Variants in NDOR1 observed in about 807,000 individuals in gnomAD.
NDOR1 encodes NADPH dependent diflavin oxidoreductase 1.
Under a neutral mutation model 67.2 loss-of-function variants are expected in NDOR1, and 61 were observed. The ratio of observed to expected loss-of-function variants is 0.91; its 90% CI spans 0.74 to 1.12. NDOR1 has a LOEUF of 1.12. NDOR1 is among the 50% of genes most tolerant of loss of function. NDOR1 has a pLI of 0.00. For missense variants in NDOR1, 878 were observed against 802.8 expected, an observed-to-expected ratio of 1.09 and a Z score of -1.13; for synonymous variants, 378 against 343.7, an observed-to-expected ratio of 1.10 and a Z score of -1.10.
chr9:137,212,599 A>C lies in NDOR1; in HGVS notation c.311A>C (p.Lys104Thr). 6.2e-7 allele frequency: 1 copy of C among 1,612,376 alleles called. No homozygotes were observed. The highest frequency in any genetic ancestry group is 8.5e-7 in the Non-Finnish European group (1 of 1,178,506). ...GGCCTCGGGGACTCCTCATACGCCA[A>C]GTGAGTAGGGGATGGGACAGTGGGC... ...VLGLGDSSYA[K>T]FNFVAKKLHR... Residue 104 changes from lysine (K) to threonine (T), a missense_variant and splice_region_variant, in exon 3 of 14, where the codon AAG (lysine) becomes ACG (threonine). Coordinates refer to ENST00000684003, the MANE Select transcript of NDOR1 (RefSeq NM_014434.4). This position sits in a 1 kb window ranked among gnomAD's most constrained non-coding sequence, Gnocchi z 4.3.
In NDOR1 at chr9:137,215,670, G is replaced by T; in HGVS notation, c.1300G>T (p.Val434Leu). 1 of 1,571,200 alleles carries T rather than the reference G, an allele frequency of 6.4e-7. No homozygotes were observed. Among genetic ancestry groups the T allele is most frequent in the Non-Finnish European group, 8.6e-7 (1 of 1,158,074 alleles). Reference sequence around the variant, plus strand: ...CCTTCCTGCAATAGGACCTGTCCGGGTGCCCCTCTGGGTGCGGCCTGGGAG... The same window carrying T: ...CCTTCCTGCAATAGGACCTGTCCGGTTGCCCCTCTGGGTGCGGCCTGGGAG... ...SLDPGQGPVR[V>L]PLWVRPGSLA... The change falls in exon 11 of 14, where the codon GTG (valine) becomes TTG (leucine). Residue 434 changes from valine (V) to leucine (L), a missense_variant. Physicochemically the swap from Val to Leu is conservative, Grantham distance 32. Coordinates refer to ENST00000684003, the MANE Select transcript of NDOR1 (RefSeq NM_014434.4).
chr9:137,208,969 C>T (rs1267012811), intron 2 of NDOR1, among the ~76,000 whole-genome samples: 1 of 152,162 alleles, frequency 6.6e-6, no homozygotes, highest in Non-Finnish European at 1.5e-5. Flanking sequence ...CAAGCACTGC[C>T]TCCCGGGTTC....
Position 137,216,368 on chromosome 9 carries a change from A to G in NDOR1, c.1746A>G (p.Leu582=), listed in dbSNP as rs773116995. 2 of 1,608,334 alleles carry G rather than the reference A, an allele frequency of 1.2e-6. No homozygotes were observed. The highest frequency in any genetic ancestry group is 1.7e-6 in the Non-Finnish European group (2 of 1,179,916). ...GCAGCCCGGACGCAGCCGCGTATCT[A>G]GCCAGGCTCCAGCAGACACGGCGCT... ...GLCSPDAAAY[L]ARLQQTRRFQ... The change falls in exon 14 of 14, where the codon CTA becomes CTG. Residue 582 remains leucine (L), a synonymous_variant. Coordinates refer to ENST00000684003, the MANE Select transcript of NDOR1 (RefSeq NM_014434.4).
In NDOR1 at chr9:137,215,172, G is replaced by A. The variant is rs749494097; in HGVS notation, c.1143G>A (p.Pro381=). ...TGGACCTCATCCCCGTTATCCGGCC[G>A]AGGGCCTTCTCCATCGCCTCCTCGC... The part of the protein sequence containing the change: ...YLLDLIPVIR[P]RAFSIASSLL... The change falls in exon 9 of 14, where the codon CCG becomes CCA. Residue 381 remains proline, a synonymous_variant. Transcript: ENST00000684003. 27 of 1,612,912 alleles carry A rather than the reference G, an allele frequency of 1.7e-5. No homozygotes were observed. In the East Asian group the frequency reaches 2.0e-4, roughly 12 times the overall value.
chr9:137,214,716 ACT>A (rs1835449553), intron 7 of NDOR1, 25 bp downstream of exon 7: 7 of 1,599,012 alleles, frequency 4.4e-6, no homozygotes, highest in African/African-American at 1.3e-5. Context: ...GGCCACCCTG[ACT>A]CTCTGCCCTC....
At chr9:137,208,990 C>T (rs922935177) in intron 2 of NDOR1, among the ~76,000 whole-genome samples, 1 of 152,286 alleles carries the variant, frequency 6.6e-6, no homozygotes, top group African/African-American at 2.4e-5. Context: ...GCGCCATTCT[C>T]CCGCCTCAGC....
Position 137,205,760 on chromosome 9 carries a change from A to G in NDOR1, c.-18A>G, listed in dbSNP as rs762370459. 1 of 1,601,856 alleles carries G rather than the reference A, an allele frequency of 6.2e-7. No homozygotes were observed. Among genetic ancestry groups the G allele is most frequent in the Non-Finnish European group, 8.5e-7 (1 of 1,179,596 alleles). ...CTTCTAGTTTTTAGTCTCAGACCAG[A>G]CCACCGGGCGCACCCCGATGCCGAG... On this transcript the variant is annotated 5_prime_UTR_variant, in exon 1 of 14. Transcript: ENST00000684003.
Position 137,213,832 on chromosome 9 carries a change from A to AG in NDOR1, c.365dup (p.Ser122ArgfsTer11). On this transcript the variant is annotated frameshift_variant, in exon 4 of 14. Transcript: ENST00000684003. LOFTEE classifies it high-confidence loss of function. Reference sequence around the variant, plus strand: ...CCGACGGCTACTGCAGCTTGGGGGCAGCGCCCTCCTGCCCGTGTGCCTGGG... The same window carrying AG: ...CCGACGGCTACTGCAGCTTGGGGGCAGGCGCCCTCCTGCCCGTGTGCCTGGG... The AG allele has an allele frequency of 6.2e-7, 1 of 1,612,060 alleles. No individual in the cohort carries two copies. Among genetic ancestry groups the AG allele is most frequent in the African/African-American group, 1.3e-5 (1 of 74,934 alleles).
chr9:137,215,944 A>G lies in NDOR1; in HGVS notation c.1481A>G (p.Tyr494Cys). 6.2e-7 allele frequency: 1 copy of G among 1,613,722 alleles called. No individual in the cohort carries two copies. The highest frequency in any genetic ancestry group is 8.5e-7 in the Non-Finnish European group (1 of 1,180,000). ...FGCRWRDQDF[Y>C]WEAEWQELEK... ...TGCCGCTGGCGGGACCAAGACTTCT[A>G]CTGGGAGGCTGAGTGGCAGGAGCTG... The change falls in exon 12 of 14, where the codon TAC (tyrosine) becomes TGC (cysteine). Residue 494 changes from tyrosine (Y) to cysteine (C), a missense_variant. Tyr to Cys is a radical substitution (Grantham distance 194). Transcript: ENST00000684003.
chr9:137,213,306 T>C (rs1240044448), intron 3 of NDOR1, among the ~76,000 whole-genome samples: 1 of 152,126 alleles, frequency 6.6e-6, no homozygotes, highest in East Asian at 1.9e-4. Flanking sequence ...GCCGACAGCG[T>C]TCCCAGGGAG....
Position 137,210,407 on chromosome 9 carries a change from A to G in NDOR1, c.214-2095A>G, listed in dbSNP as rs1486275132. On this transcript the variant is annotated intron_variant, in intron 2 of 13. Coordinates refer to ENST00000684003, the MANE Select transcript of NDOR1 (RefSeq NM_014434.4). ...GCAACTAATTTTTTTTTTTTTTTGT[A>G]TTTTTTGTAGAGATGGGGTCTCAAG... Among the ~76,000 whole-genome samples, 13 of 138,738 alleles carry G rather than the reference A, an allele frequency of 9.4e-5. No individual in the cohort carries two copies. In the South Asian group the frequency reaches 2.7e-3, roughly 29 times the overall value. 91.0% of individuals were successfully genotyped at this position (138,738 alleles called of 152,430 possible). A position where few individuals can be genotyped will look rare whatever the true frequency, so the allele number is the denominator to read the frequency against.
chr9:137,207,063 G>T (rs1329962446), intron 2 of NDOR1, among the ~76,000 whole-genome samples: 1 of 152,100 alleles, frequency 6.6e-6, no homozygotes, highest in Non-Finnish European at 1.5e-5. Flanking sequence ...CCAGTCCAAA[G>T]AGCCTGAGTA....
rs1205616454 is a variant in NDOR1, at chr9:137,216,508, C to T, written c.*92C>T. 4.1e-5 allele frequency: 61 copies of T among 1,472,158 alleles called. No individual in the cohort carries two copies. The highest frequency in any genetic ancestry group is 5.2e-5 in the Non-Finnish European group (58 of 1,107,698). The allele number at this position is 1,472,158 out of a possible 1,614,324, so 91.2% of individuals were successfully genotyped here. On this transcript the variant is annotated 3_prime_UTR_variant, in exon 14 of 14. Coordinates refer to ENST00000684003, the MANE Select transcript of NDOR1 (RefSeq NM_014434.4). The stretch of plus-strand genomic sequence containing the variant: ...GGAGCTCCTGGCCAGCAGCCGTCAT[C>T]CTCTCGGACCAGCCAGCTGGTCCTC...
intron 3 of NDOR1, among the ~76,000 whole-genome samples, chr9:137,213,105 A>G (rs757574924): frequency 6.6e-6 from 1 of 152,228 alleles, no homozygotes; most frequent in Non-Finnish European, 1.5e-5. Context: ...CCGAGCATCA[A>G]AAGCCGTTTG....
Position 137,214,406 on chromosome 9 carries a change from G to A in NDOR1, c.715G>A (p.Gly239Ser). The A allele has an allele frequency of 1.9e-6, 3 of 1,614,122 alleles. No homozygotes were observed. Among genetic ancestry groups the A allele is most frequent in the South Asian group, 2.2e-5 (2 of 91,088 alleles). The change falls in exon 6 of 14, where the codon GGC becomes AGC. Residue 239 changes from glycine (G) to serine (S), a missense_variant. Gly to Ser is a moderately conservative substitution (Grantham distance 56). Transcript: ENST00000684003. ...GATTGAGTTTGACATCTTGGGCTCTGGCATCAGGTGGGGACTGCTGGGGAC... is the reference window on the plus strand; with the variant it reads ...GATTGAGTTTGACATCTTGGGCTCTAGCATCAGGTGGGGACTGCTGGGGAC... ...RLIEFDILGS[G>S]ISFAAGDVVL...
chr9:137,214,326 C>T lies in NDOR1; in HGVS notation c.635C>T (p.Pro212Leu), dbSNP rs1366377808. The T allele has an allele frequency of 6.2e-7, 1 of 1,614,174 alleles. No homozygotes were observed. The highest frequency in any genetic ancestry group is 1.1e-5 in the South Asian group (1 of 91,086). The change falls in exon 6 of 14, where the codon CCC becomes CTC. Residue 212 changes from proline to leucine, a missense_variant. Physicochemically the swap from Pro to Leu is moderately conservative, Grantham distance 98. Coordinates refer to ENST00000684003, the MANE Select transcript of NDOR1 (RefSeq NM_014434.4). ...PPSESKPFLA[P>L]MISNQRVTGP... Reference sequence around the variant, plus strand: ...TCAGAGTCGAAGCCCTTCCTAGCACCCATGATCTCCAACCAGAGAGTCACC... The same window carrying T: ...TCAGAGTCGAAGCCCTTCCTAGCACTCATGATCTCCAACCAGAGAGTCACC...
intron 2 of NDOR1, among the ~76,000 whole-genome samples, chr9:137,209,857 C>G (rs759667242): frequency 1.3e-5 from 2 of 152,194 alleles, no homozygotes; most frequent in African/African-American, 4.8e-5. Context: ...TTTGGGAGGC[C>G]GAGGCGGGTG....
Position 137,215,526 on chromosome 9 carries a change from C to A in NDOR1, c.1288+5C>A. Reference sequence around the variant, plus strand: ...CATCCCTGGACCCTGGGCAAGGTGACCCCTGCTCCCAGGGTGGGGGCCGTG... The same window carrying A: ...CATCCCTGGACCCTGGGCAAGGTGAACCCTGCTCCCAGGGTGGGGGCCGTG... On this transcript the variant is annotated splice_donor_5th_base_variant and intron_variant, in intron 10 of 13. Coordinates refer to ENST00000684003, the MANE Select transcript of NDOR1 (RefSeq NM_014434.4). 4.3e-6 allele frequency: 7 copies of A among 1,612,846 alleles called. No individual in the cohort carries two copies. The highest frequency in any genetic ancestry group is 5.9e-6 in the Non-Finnish European group (7 of 1,179,704).
chr9:137,215,403 C>T lies in NDOR1; in HGVS notation c.1174-4C>T. ...CACCACCCCCACCCCGCCGTCCTCCCCAGACTCACCCCTCACGGCTGCAGA... is the reference window on the plus strand; with the variant it reads ...CACCACCCCCACCCCGCCGTCCTCCTCAGACTCACCCCTCACGGCTGCAGA... On this transcript the variant is annotated splice_polypyrimidine_tract_variant and splice_region_variant and intron_variant, in intron 9 of 13. Transcript: ENST00000684003. The T allele has an allele frequency of 6.2e-7, 1 of 1,613,136 alleles. No homozygotes were observed. The highest frequency in any genetic ancestry group is 1.1e-5 in the South Asian group (1 of 91,076).
Sources: allele counts gnomAD v4.1 joint callset (sites outside exome capture counted in the v4.1 genomes callset), GRCh38; gene constraint gnomAD v4.1.1; non-coding constraint Gnocchi (gnomAD v3.1); transcripts MANE v1.5; gene names NCBI Gene and HGNC (gene_info 2026-07-23, HGNC 2026-07-21).